SYNE2: variants seen among roughly 807,000 people sequenced by gnomAD.
SYNE2 encodes nesprin-2.
Under a neutral mutation model 856.3 loss-of-function variants are expected in SYNE2, and 431 were observed. The observed-to-expected ratio is 0.50, with a 90% CI of 0.47 to 0.55. The LOEUF (loss-of-function observed/expected upper bound fraction) is 0.55, where lower values mean the gene tolerates loss of function less well. Ranked by LOEUF, SYNE2 falls within the 20% of genes least tolerant of loss-of-function variation. The pLI is 0.00. For missense variants in SYNE2, 8,129 were observed against 8,023.2 expected (o/e 1.01, Z -0.50); for synonymous variants, 2,923 against 2,872.3 (o/e 1.02, Z -0.56).
At chr14:63,814,306 G>A (rs997206825) in intron 1 of SYNE2, among the ~76,000 whole-genome samples, 1 of 149,002 alleles carries the variant, frequency 6.7e-6, no homozygotes, top group African/African-American at 2.5e-5. Flanking sequence ...ACAAAGAACA[G>A]AACAAAACAA....
chr14:63,982,374 A>G (rs548293338), intron 16 of SYNE2, among the ~76,000 whole-genome samples: 1 of 152,302 alleles, frequency 6.6e-6, no homozygotes, highest in South Asian at 2.1e-4. Flanking sequence ...GGGAAGAGCT[A>G]GACCAACAGG....
Position 63,974,892 on chromosome 14 carries a change from G to GTATATATA in SYNE2, c.1129-1653_1129-1646dup, listed in dbSNP as rs145247655. On this transcript the variant is annotated intron_variant, in intron 11 of 115. Transcript: ENST00000555002. ...TGTGTGTGTGTGTGTGTGTGTGTGTGTATATATATATATATATATATATAT... is the reference window on the plus strand; with the variant it reads ...TGTGTGTGTGTGTGTGTGTGTGTGTGTATATATATATATATATATATATATATATATAT... 8.8e-3 allele frequency among the ~76,000 whole-genome samples: 594 copies of GTATATATA among 67,258 alleles called. 36 individuals are homozygous for GTATATATA. The highest frequency in any genetic ancestry group is 0.014 in the Non-Finnish European group (453 of 32,174). 44.1% of individuals were successfully genotyped at this position (67,258 alleles called of 152,430 possible). A position where few individuals can be genotyped will look rare whatever the true frequency, so the allele number is the denominator to read the frequency against.
Position 64,210,109 on chromosome 14 carries a change from C to A in SYNE2, c.18708C>A (p.Val6236=). The change falls in exon 103 of 116, where the codon GTC becomes GTA. Residue 6236 remains valine, a synonymous_variant. Coordinates refer to ENST00000555002, the MANE Select transcript of SYNE2 (RefSeq NM_182914.3). Reference sequence around the variant, plus strand: ...ACCTTCAGAGGCGGGTCACAGCCGTCCTGCGGAGACTCAGGGTGAGCTCCT... The same window carrying A: ...ACCTTCAGAGGCGGGTCACAGCCGTACTGCGGAGACTCAGGGTGAGCTCCT... ...WDNLQRRVTA[V]LRRLRHFTNQ... The A allele has an allele frequency of 5.0e-6, 8 of 1,613,682 alleles. No individual in the cohort carries two copies. Among genetic ancestry groups the A allele is most frequent in the Non-Finnish European group, 6.8e-6 (8 of 1,179,788 alleles).
intron 1 of SYNE2, among the ~76,000 whole-genome samples, chr14:63,845,015 G>C (rs1337074216): frequency 6.6e-6 from 1 of 152,118 alleles, no homozygotes; most frequent in East Asian, 1.9e-4. Context: ...TTTTTGTGTG[G>C]ATAGTTATTT....
chr14:63,989,315 G>T (rs1039935815), intron 19 of SYNE2, among the ~76,000 whole-genome samples: 12 of 152,052 alleles, frequency 7.9e-5, no homozygotes, highest in Non-Finnish European at 1.6e-4. Context: ...CCTCTGCAGC[G>T]AGATAGCAGA....
At chr14:63,893,211 AAG>A (rs1316406907) in intron 1 of SYNE2, among the ~76,000 whole-genome samples, 2 of 152,176 alleles carry the variant, frequency 1.3e-5, no homozygotes, top group East Asian at 1.9e-4. Context: ...AAAAAAGAAA[AAG>A]AAAAAAATTT....
In SYNE2 at chr14:63,944,824, CTTTTTTTTTTT is replaced by C. The variant is rs55906748; in HGVS notation, c.408+2696_408+2706del. ...GTGAGCCACCGTGCTGGGCTTAAAG[CTTTTTTTTTTT>C]TTTTTTTTTTTTTTGAAACTTCTGT... is the stretch of plus-strand genomic sequence containing the variant. On this transcript the variant is annotated intron_variant, in intron 6 of 115. Transcript: ENST00000555002. 2.3e-3 allele frequency among the ~76,000 whole-genome samples: 108 copies of C among 46,954 alleles called. 4 individuals are homozygous for C. The highest frequency in any genetic ancestry group is 4.3e-3 in the African/African-American group (42 of 9,788). 30.8% of individuals were successfully genotyped at this position (46,954 alleles called of 152,430 possible).
Position 64,186,591 on chromosome 14 carries a change from C to T in SYNE2, c.17712+12C>T. 6.2e-7 allele frequency: 1 copy of T among 1,614,050 alleles called. No homozygotes were observed. The highest frequency in any genetic ancestry group is 1.1e-5 in the South Asian group (1 of 91,056). On this transcript the variant is annotated intron_variant, in intron 97 of 115. Coordinates refer to ENST00000555002, the MANE Select transcript of SYNE2 (RefSeq NM_182914.3). ...ACCTCTGCTTAAGGGTAAGTCAGCT[C>T]ACTGCAGGGCACGGCTGTTTGGGAG...
intron 22 of SYNE2, 44 bp from the exon 23 acceptor site, chr14:63,995,000 A>G: frequency 7.8e-7 from 1 of 1,288,956 alleles, no homozygotes; most frequent in Non-Finnish European, 1.1e-6. Flanking sequence ...TTTTTTGTAT[A>G]TTTTGTTCTC....
At chr14:64,056,764 G>A (rs913811656) in intron 49 of SYNE2, among the ~76,000 whole-genome samples, 1 of 151,246 alleles carries the variant, frequency 6.6e-6, no homozygotes, top group Non-Finnish European at 1.5e-5. Context: ...TCCGCCTCCC[G>A]AGTTCAAGTA....
Position 64,170,455 on chromosome 14 carries a change from A to C in SYNE2, c.17228A>C (p.Glu5743Ala). Reference sequence around the variant, plus strand: ...TACCAAACCAGAAGTCTGATCCATGAGCTGAAGGTAGTGTATGCATCGTAG... The same window carrying C: ...TACCAAACCAGAAGTCTGATCCATGCGCTGAAGGTAGTGTATGCATCGTAG... ...SLYQTRSLIH[E>A]LKNKEIHFQR... Residue 5743 changes from glutamate (E) to alanine (A), a missense_variant, in exon 94 of 116, where the codon GAG becomes GCG. By Grantham distance (107) the Glu-to-Ala change is moderately radical. This residue lies in a region of SYNE2 where 5,410 missense variants were observed against 5,284.8 expected (regional missense o/e 1.02). Transcript: ENST00000555002. 1 of 1,609,974 alleles carries C rather than the reference A, an allele frequency of 6.2e-7. No individual in the cohort carries two copies. Among genetic ancestry groups the C allele is most frequent in the Non-Finnish European group, 8.5e-7 (1 of 1,177,948 alleles).
chr14:64,020,242 T>G (rs913644468), intron 35 of SYNE2, 149 bp downstream of exon 35: 2 of 643,428 alleles, frequency 3.1e-6, no homozygotes, highest in Non-Finnish European at 5.5e-6. Flanking sequence ...AACAGGGGTG[T>G]CCTGTCTTTT....
chr14:64,143,665 T>C (rs1414367382), intron 82 of SYNE2, 107 bp from the exon 83 acceptor site: 1 of 1,223,772 alleles, frequency 8.2e-7, no homozygotes, highest in East Asian at 2.3e-5. Flanking sequence ...CAGGTGCCCC[T>C]TGATTAATGG....
chr14:63,866,120 A>G (rs1895256104), intron 1 of SYNE2, among the ~76,000 whole-genome samples: 1 of 152,270 alleles, frequency 6.6e-6, no homozygotes, highest in South Asian at 2.1e-4. Flanking sequence ...TATGTTCTCA[A>G]CCAACAAGAA....
chr14:63,926,782 GT>G (rs2095671693), intron 2 of SYNE2, among the ~76,000 whole-genome samples: 1 of 152,234 alleles, frequency 6.6e-6, no homozygotes. Context: ...TCCACAGCCA[GT>G]GTTCTTAACC....
At chr14:63,980,474 C>T (rs1353111071) in intron 14 of SYNE2, among the ~76,000 whole-genome samples, 180 bp from the exon 15 acceptor site, 1 of 152,200 alleles carries the variant, frequency 6.6e-6, no homozygotes, top group East Asian at 1.9e-4. Flanking sequence ...TCACACTCAG[C>T]TTATGTCTCC....
chr14:63,839,429 C>A (rs1311074447), intron 1 of SYNE2, among the ~76,000 whole-genome samples: 2 of 152,136 alleles, frequency 1.3e-5, no homozygotes, highest in East Asian at 3.8e-4. Flanking sequence ...GCATTACCAC[C>A]CCCCACGCCC....
rs1310216450 is a variant in SYNE2 at position 64,132,294 on chromosome 14, G to A, written c.14370G>A (p.Met4790Ile). The A allele has an allele frequency of 2.5e-6, 4 of 1,613,856 alleles. No individual in the cohort carries two copies. The highest frequency in any genetic ancestry group is 1.7e-4 in the Middle Eastern group (1 of 5,810). The stretch of plus-strand genomic sequence containing the variant: ...TTTTCCAGAAGCTTGTTGCTGACAT[G>A]TTGTTGATCCAAGCATACTCTGCCA... ...KVFFQKLVADMLLIQAYSAKI... is the reference protein window; with the variant it reads ...KVFFQKLVADILLIQAYSAKI... Residue 4790 changes from methionine to isoleucine, a missense_variant, in exon 77 of 116, where the codon ATG (methionine) becomes ATA (isoleucine). By Grantham distance (10) the Met-to-Ile change is conservative. Around this residue, in one of 3 missense-constraint regions of SYNE2, gnomAD observed 5,410 missense variants for 5,284.8 expected, o/e 1.02. Transcript: ENST00000555002.
chr14:64,179,465 T>G (rs1410342655), intron 96 of SYNE2, among the ~76,000 whole-genome samples: 1 of 152,232 alleles, frequency 6.6e-6, no homozygotes, highest in Non-Finnish European at 1.5e-5. Context: ...TTTCCCTCAT[T>G]GTGATTTGGA....
Sources: allele counts gnomAD v4.1 joint callset (sites outside exome capture counted in the v4.1 genomes callset), GRCh38; gene constraint gnomAD v4.1.1; regional missense constraint gnomAD v4.1.1; transcripts MANE v1.5; gene names NCBI Gene and HGNC (gene_info 2026-07-23, HGNC 2026-07-21).